The following GNG7 variants were observed in gnomAD, a reference collection of about 807,000 sequenced individuals.
GNG7 encodes G protein subunit gamma 7, also known as guanine nucleotide-binding protein G(I)/G(S)/G(O) subunit gamma-7.
Under a neutral mutation model 4.0 loss-of-function variants are expected in GNG7, and 1 was observed. That is an observed-to-expected ratio of 0.25 (90% CI 0.09 to 1.18). The LOEUF is 1.18. GNG7 is among the 50% of genes most tolerant of loss of function. The pLI, the probability that GNG7 is intolerant of heterozygous loss-of-function variation, is 0.50. For synonymous variants in GNG7, 34 were observed against 36.9 expected (o/e 0.92, Z 0.29); for missense variants, 86 against 91.9 (o/e 0.94, Z 0.26).
intron 3 of GNG7, chr19:2,538,547 C>A: frequency 2.8e-6 from 1 of 354,484 alleles, no homozygotes. Flanking sequence ...AGGAAGACTG[C>A]TTGAGCCCAG....
chr19:2,638,416 G>A (rs1286206624), intron 2 of GNG7, among the ~76,000 whole-genome samples: 1 of 100,056 alleles, frequency 1.0e-5, no homozygotes, highest in East Asian at 3.2e-4. Context: ...GAAAGGGGGA[G>A]GGGAAGGGGA....
At chr19:2,567,143 CA>C (rs1231987195) in intron 2 of GNG7, among the ~76,000 whole-genome samples, 13,249 of 129,940 alleles carry the variant, frequency 0.1, 2,008 homozygotes, top group African/African-American at 0.34. Flanking sequence ...AAAAAAAAAA[CA>C]AAAAAAAAAA....
At chr19:2,675,957 A>G (rs1983583454) in intron 1 of GNG7, among the ~76,000 whole-genome samples, 1 of 152,258 alleles carries the variant, frequency 6.6e-6, no homozygotes, top group East Asian at 1.9e-4. Flanking sequence ...CTTATTATTA[A>G]GATGTGGTTG....
chr19:2,574,218 C>T (rs957346564), intron 2 of GNG7, among the ~76,000 whole-genome samples: 8 of 152,250 alleles, frequency 5.3e-5, no homozygotes, highest in Admixed American at 6.5e-5. Flanking sequence ...CGCGGGAACA[C>T]GCATCTCATA....
At chr19:2,630,093 G>A (rs1982119528) in intron 2 of GNG7, among the ~76,000 whole-genome samples, 1 of 151,614 alleles carries the variant, frequency 6.6e-6, no homozygotes, top group Non-Finnish European at 1.5e-5. Context: ...CTTTCCAAAT[G>A]CCTCCTTTCT....
intron 2 of GNG7, among the ~76,000 whole-genome samples, chr19:2,567,192 T>C (rs1450694264): frequency 1.3e-5 from 2 of 151,382 alleles, no homozygotes; most frequent in Admixed American, 6.6e-5. Flanking sequence ...CTGTCCATCA[T>C]GGGCCCTTGC....
intron 3 of GNG7, among the ~76,000 whole-genome samples, chr19:2,544,913 T>A (rs1979075317): frequency 6.6e-6 from 1 of 152,096 alleles, no homozygotes; most frequent in Non-Finnish European, 1.5e-5. Flanking sequence ...CCTGAGTTAA[T>A]TATTTGGGGA....
At chr19:2,567,498 C>T (rs961534152) in intron 2 of GNG7, among the ~76,000 whole-genome samples, 9 of 152,080 alleles carry the variant, frequency 5.9e-5, no homozygotes, top group Non-Finnish European at 1.3e-4. Flanking sequence ...CTAATTTTTG[C>T]ATTTTTTTGT....
intron 2 of GNG7, among the ~76,000 whole-genome samples, chr19:2,573,254 C>T (rs1980205693): frequency 6.6e-6 from 1 of 151,604 alleles, no homozygotes; most frequent in Non-Finnish European, 1.5e-5. Context: ...AACTCCCAAC[C>T]TCAGGTGATC....
intron 2 of GNG7, among the ~76,000 whole-genome samples, chr19:2,608,714 G>C (rs1450761615): frequency 1.3e-5 from 2 of 152,176 alleles, no homozygotes; most frequent in East Asian, 3.9e-4. Context: ...GCATGGGGCA[G>C]ACACGGAGGA....
chr19:2,577,599 G>C (rs901935706), intron 2 of GNG7, among the ~76,000 whole-genome samples: 2 of 151,766 alleles, frequency 1.3e-5, no homozygotes, highest in African/African-American at 4.8e-5. Flanking sequence ...ACTTTGGGAG[G>C]CTGAGGCAGG....
Position 2,657,399 on chromosome 19 carries a change from T to TATATACAC in GNG7, c.-134-11120_-134-11119insGTGTATAT, listed in dbSNP as rs1332253018. Among the ~76,000 whole-genome samples the TATATACAC allele has an allele frequency of 1.2e-3, 95 of 80,504 alleles. 2 individuals carry two copies. The highest frequency in any genetic ancestry group is 1.8e-3 in the Non-Finnish European group (75 of 42,524). 52.8% of individuals were successfully genotyped at this position (80,504 alleles called of 152,430 possible). On this transcript the variant is annotated intron_variant, in intron 1 of 4. Coordinates refer to ENST00000382159, the MANE Select transcript of GNG7 (RefSeq NM_052847.3). Reference sequence around the variant, plus strand: ...ATATATATATATATATATATATATATACACATAATAACATTTATCCTAAAA... The same window carrying TATATACAC: ...ATATATATATATATATATATATATATATATACACACACATAATAACATTTATCCTAAAA...
At chr19:2,575,196 C>G (rs1980271567) in intron 2 of GNG7, among the ~76,000 whole-genome samples, 1 of 151,910 alleles carries the variant, frequency 6.6e-6, no homozygotes, top group African/African-American at 2.4e-5. Context: ...GCTATCCTCC[C>G]ACCTCAGCCT....
Position 2,656,029 on chromosome 19 carries a change from C to CAA in GNG7, c.-134-9751_-134-9750dup, listed in dbSNP as rs55687607. Among the ~76,000 whole-genome samples the CAA allele has an allele frequency of 4.7e-4, 46 of 98,088 alleles. 1 individual carries two copies. The highest frequency in any genetic ancestry group is 1.6e-3 in the African/African-American group (42 of 26,678). 64.3% of individuals were successfully genotyped at this position (98,088 alleles called of 152,430 possible). A position where few individuals can be genotyped will look rare whatever the true frequency, so the allele number is the denominator to read the frequency against. ...GACAGAGTGAGACTCCGATTCAAAA[C>CAA]AAAAAAAAAAAAAAGAAAGAAAGAA... On this transcript the variant is annotated intron_variant, in intron 1 of 4. Transcript: ENST00000382159.
intron 2 of GNG7, among the ~76,000 whole-genome samples, chr19:2,606,836 G>A (rs1218835138): frequency 6.6e-5 from 10 of 151,680 alleles, no homozygotes; most frequent in Non-Finnish European, 1.3e-4. Flanking sequence ...TCCCATTCTC[G>A]GTGATGACAA....
intron 3 of GNG7, among the ~76,000 whole-genome samples, chr19:2,550,333 T>G (rs931691288): frequency 2.0e-5 from 3 of 152,222 alleles, no homozygotes; most frequent in African/African-American, 7.2e-5. Flanking sequence ...TTCTCCTGCC[T>G]CAGCCTCCTG....
chr19:2,648,307 G>C (rs1982721499), intron 1 of GNG7, among the ~76,000 whole-genome samples: 1 of 151,372 alleles, frequency 6.6e-6, no homozygotes, highest in African/African-American at 2.4e-5. Context: ...GAGGCAGGAG[G>C]ATCACTTGAG....
intron 3 of GNG7, among the ~76,000 whole-genome samples, chr19:2,539,923 T>TTC (rs1472365028): frequency 8.5e-5 from 11 of 129,024 alleles, no homozygotes; most frequent in Non-Finnish European, 1.7e-4. Context: ...CTCTTTCTCT[T>TTC]TCTTTCTTCT....
rs142304474 is a variant in GNG7 at position 2,588,398 on chromosome 19, C to T, written c.-77-33210G>A. 3.9e-3 allele frequency among the ~76,000 whole-genome samples: 594 copies of T among 152,286 alleles called. 2 individuals are homozygous for T. Among genetic ancestry groups the T allele is most frequent in the African/African-American group, 0.014 (572 of 41,540 alleles). On this transcript the variant is annotated intron_variant, in intron 2 of 4. Transcript: ENST00000382159. ...CAGCACGACGCGGCTCTCTGCAAAG[C>T]GACAGGTAGTAAACAGACCTTAACG...
Sources: allele counts gnomAD v4.1 joint callset (sites outside exome capture counted in the v4.1 genomes callset), GRCh38; gene constraint gnomAD v4.1.1; transcripts MANE v1.5; gene names NCBI Gene and HGNC (gene_info 2026-07-23, HGNC 2026-07-21).